Variants in DENND1A observed in about 807,000 individuals in gnomAD.
The protein encoded by DENND1A is DENN domain containing 1A.
Under a neutral mutation model 113.7 loss-of-function variants are expected in DENND1A, and 51 were observed. The ratio of observed to expected loss-of-function variants is 0.45; its 90% CI spans 0.36 to 0.57. The LOEUF is 0.57. Ranked by LOEUF, DENND1A falls within the 20% of genes least tolerant of loss-of-function variation. The pLI is 0.00. For missense variants in DENND1A, 1,258 were observed against 1,395.9 expected, an observed-to-expected ratio of 0.90 and a Z score of 1.57; for synonymous variants, 565 against 570.8, an observed-to-expected ratio of 0.99 and a Z score of 0.14.
intron 2 of DENND1A, among the ~76,000 whole-genome samples, chr9:123,834,254 G>T (rs112941968): frequency 1.3e-4 from 20 of 152,200 alleles, no homozygotes; most frequent in Non-Finnish European, 2.9e-4. Context: ...ACACATAAGG[G>T]TCACAACAGA....
At chr9:123,709,062 A>T (rs2066414642) in intron 5 of DENND1A, among the ~76,000 whole-genome samples, 1 of 152,220 alleles carries the variant, frequency 6.6e-6, no homozygotes. Context: ...TGGTCAGCAT[A>T]TCAAGGGCTG....
chr9:123,418,838 G>A (rs914848961), intron 19 of DENND1A, among the ~76,000 whole-genome samples: 10 of 152,262 alleles, frequency 6.6e-5, no homozygotes, highest in African/African-American at 2.4e-4. Flanking sequence ...CCTGAGAAGA[G>A]GGCCAGTGAG....
intron 2 of DENND1A, among the ~76,000 whole-genome samples, chr9:123,794,040 C>T (rs936422454): frequency 6.6e-6 from 1 of 152,178 alleles, no homozygotes; most frequent in African/African-American, 2.4e-5. Context: ...GAGTAATGCC[C>T]CTGCAGTACC....
At position 123,667,054 on chromosome 9, in the gene DENND1A, G is replaced by T. The variant is rs2063526609; in HGVS notation, c.479C>A (p.Thr160Asn). 2 of 1,598,464 alleles carry T rather than the reference G, an allele frequency of 1.3e-6. No homozygotes were observed. The highest frequency in any genetic ancestry group is 2.3e-5 in the East Asian group (1 of 43,670). ...SVHSYFTVPD[T>N]RELPSIPENR... is the part of the protein sequence containing the mutation. ...CTCAGGTATGCTGGGAAGTTCTCTG[G>T]TATCAGGCACAGTAAAATAAGAATG... Residue 160 changes from threonine to asparagine, a missense_variant, in exon 8 of 24, where the codon ACC becomes AAC. Coordinates refer to ENST00000394215, the MANE Select transcript of DENND1A (RefSeq NM_001352964.2).
chr9:123,620,213 C>CAAAAAAAAA (rs34196587), intron 10 of DENND1A, among the ~76,000 whole-genome samples: 5 of 59,032 alleles, frequency 8.5e-5, no homozygotes, highest in Admixed American at 1.8e-4. Context: ...GACTCCATCT[C>CAAAAAAAAA]AAAAAAAAAA....
At chr9:123,684,277 C>G (rs2064664507) in intron 5 of DENND1A, among the ~76,000 whole-genome samples, 1 of 152,142 alleles carries the variant, frequency 6.6e-6, no homozygotes, top group Admixed American at 6.5e-5. Context: ...TTGCCCACCC[C>G]CTCCAGTCTG....
At chr9:123,682,505 A>G (rs953992753) in intron 5 of DENND1A, among the ~76,000 whole-genome samples, 1 of 152,130 alleles carries the variant, frequency 6.6e-6, no homozygotes, top group Non-Finnish European at 1.5e-5. Flanking sequence ...TTCCAATGGC[A>G]AAGCATCCCT....
At position 123,733,045 on chromosome 9, in the gene DENND1A, G is replaced by A. The variant is rs553327288; in HGVS notation, c.302+24658C>T. ...TGCCCAGGCTGGAGTGCAATGGCGCGATCTCGGCTCACCGCAACCTCTGCC... is the reference window on the plus strand; with the variant it reads ...TGCCCAGGCTGGAGTGCAATGGCGCAATCTCGGCTCACCGCAACCTCTGCC... On this transcript the variant is annotated intron_variant, in intron 5 of 23. Transcript: ENST00000394215. Among the ~76,000 whole-genome samples the A allele has an allele frequency of 6.6e-5, 10 of 152,094 alleles. No individual in the cohort carries two copies. In the South Asian group the frequency reaches 1.2e-3, roughly 19 times the overall value.
chr9:123,711,050 G>A, intron 5 of DENND1A, among the ~76,000 whole-genome samples: 1 of 152,080 alleles, frequency 6.6e-6, no homozygotes, highest in Non-Finnish European at 1.5e-5. Flanking sequence ...ACACAAAAAG[G>A]AGTAAACAAA....
chr9:123,859,556 T>A (rs1030063232), intron 2 of DENND1A, among the ~76,000 whole-genome samples: 13 of 152,002 alleles, frequency 8.6e-5, no homozygotes, highest in African/African-American at 3.1e-4. Context: ...CATGCACCAC[T>A]CATTCATTTA....
rs974736307 is a variant in DENND1A at position 123,387,869 on chromosome 9, G to T, written c.1632-11C>A. Reference sequence around the variant, plus strand: ...AAGGGCTTTACCAGGCTGGGGCAGAGGAAGACAAAAGAGAAGAGAACAGGC... The same window carrying T: ...AAGGGCTTTACCAGGCTGGGGCAGATGAAGACAAAAGAGAAGAGAACAGGC... On this transcript the variant is annotated splice_polypyrimidine_tract_variant and intron_variant, in intron 21 of 23. Transcript: ENST00000394215. 1 of 1,289,634 alleles carries T rather than the reference G, an allele frequency of 7.8e-7. No homozygotes were observed. 79.9% of individuals were successfully genotyped at this position (1,289,634 alleles called of 1,614,324 possible).
At chr9:123,445,433 T>A (rs1380319388) in intron 18 of DENND1A, among the ~76,000 whole-genome samples, 1 of 152,186 alleles carries the variant, frequency 6.6e-6, no homozygotes, top group Non-Finnish European at 1.5e-5. Flanking sequence ...GGGAGTGACT[T>A]GGTCAGTGCT....
At chr9:123,786,105 C>T (rs764052674) in intron 3 of DENND1A, among the ~76,000 whole-genome samples, 8 of 151,576 alleles carry the variant, frequency 5.3e-5, no homozygotes, top group African/African-American at 9.7e-5. Context: ...TCCAGCTACT[C>T]GGGAGGCTGA....
At chr9:123,609,722 A>G (rs2060327043) in intron 10 of DENND1A, among the ~76,000 whole-genome samples, 1 of 152,184 alleles carries the variant, frequency 6.6e-6, no homozygotes, top group African/African-American at 2.4e-5. Context: ...CAACCTTGAT[A>G]TTAGCCCCTA....
At chr9:123,594,230 G>T (rs2059588433) in intron 11 of DENND1A, among the ~76,000 whole-genome samples, 1 of 152,132 alleles carries the variant, frequency 6.6e-6, no homozygotes, top group African/African-American at 2.4e-5. Context: ...GTGTGTATCA[G>T]GAACTGTGTG....
intron 12 of DENND1A, among the ~76,000 whole-genome samples, chr9:123,575,262 A>C (rs2058573538): frequency 6.6e-6 from 1 of 152,178 alleles, no homozygotes; most frequent in Non-Finnish European, 1.5e-5. Context: ...TTGCATACAA[A>C]GTTCACAACA....
At chr9:123,611,537 A>G (rs2060418129) in intron 10 of DENND1A, among the ~76,000 whole-genome samples, 1 of 152,198 alleles carries the variant, frequency 6.6e-6, no homozygotes, top group Admixed American at 6.5e-5. Context: ...TTCCAGAAAA[A>G]TGGCCACTTA....
chr9:123,569,018 A>G (rs190024705), intron 12 of DENND1A, among the ~76,000 whole-genome samples: 69 of 152,376 alleles, frequency 4.5e-4, no homozygotes, highest in Admixed American at 8.5e-4. Context: ...GACCTAGAGG[A>G]GCACACTTCA....
intron 8 of DENND1A, among the ~76,000 whole-genome samples, chr9:123,656,579 A>G (rs2062958648): frequency 6.6e-6 from 1 of 152,238 alleles, no homozygotes; most frequent in South Asian, 2.1e-4. Context: ...CTTCTAGATT[A>G]CTATGCACCA....
Sources: gnomAD v4.1 joint callset for allele counts (sites outside exome capture counted in the v4.1 genomes callset) on GRCh38, gnomAD v4.1.1 for gene constraint, MANE v1.5 for transcripts, NCBI Gene and HGNC (gene_info 2026-07-23, HGNC 2026-07-21) for gene names.